The following IFNAR1 variants were observed in gnomAD, a reference collection of about 807,000 sequenced individuals.
IFNAR1 encodes interferon alpha and beta receptor subunit 1, also known as interferon alpha/beta receptor 1.
Under a neutral mutation model 62.1 loss-of-function variants are expected in IFNAR1, and 47 were observed. The observed-to-expected ratio is 0.76, with a 90% CI of 0.60 to 0.97. The LOEUF (loss-of-function observed/expected upper bound fraction) is 0.97. Among genes scored for constraint, IFNAR1 ranks in the 50% least tolerant of loss-of-function variants. IFNAR1 has a pLI of 0.00. For missense variants in IFNAR1, 638 were observed against 654.5 expected, an observed-to-expected ratio of 0.97 and a Z score of 0.27; for synonymous variants, 219 against 226.9, an observed-to-expected ratio of 0.97 and a Z score of 0.31.
At chr21:33,339,086 A>G (rs2083271223) in intron 2 of IFNAR1, among the ~76,000 whole-genome samples, 1 of 152,138 alleles carries the variant, frequency 6.6e-6, no homozygotes, top group Non-Finnish European at 1.5e-5. Flanking sequence ...TTCTGCTGCA[A>G]TATCTTGATT....
intron 1 of IFNAR1, among the ~76,000 whole-genome samples, chr21:33,327,427 A>T (rs2123650792): frequency 6.6e-6 from 1 of 151,984 alleles, no homozygotes; most frequent in Middle Eastern, 3.4e-3. Flanking sequence ...AGATACTGTT[A>T]TGCTTAGTTA....
intron 1 of IFNAR1, among the ~76,000 whole-genome samples, chr21:33,328,828 A>T (rs970296866): frequency 6.6e-6 from 1 of 152,170 alleles, no homozygotes; most frequent in African/African-American, 2.4e-5. Flanking sequence ...AATGCATTAT[A>T]TATATATTAG....
intron 2 of IFNAR1, among the ~76,000 whole-genome samples, chr21:33,340,782 TTA>T (rs2083285346): frequency 6.6e-6 from 1 of 152,206 alleles, no homozygotes; most frequent in Non-Finnish European, 1.5e-5. Context: ...ATAACTTGGC[TTA>T]TATGCATTGA....
chr21:33,329,695 A>G (rs1032042329), intron 1 of IFNAR1, among the ~76,000 whole-genome samples: 1 of 152,228 alleles, frequency 6.6e-6, no homozygotes, highest in African/African-American at 2.4e-5. Flanking sequence ...AAAATATATA[A>G]CTTATCAAAG....
At chr21:33,353,903 G>A in intron 10 of IFNAR1, 120 bp downstream of exon 10, 1 of 650,480 alleles carries the variant, frequency 1.5e-6, no homozygotes. Context: ...ACTGATTTGG[G>A]TATCTTCTTC....
At chr21:33,341,213 A>G (rs1281410472) in intron 3 of IFNAR1, 39 bp downstream of exon 3, 1 of 1,488,556 alleles carries the variant, frequency 6.7e-7, no homozygotes. Context: ...TTCTTTAGTA[A>G]ATATTACCAG....
chr21:33,341,126 A>G lies in IFNAR1; in HGVS notation c.328A>G (p.Asn110Asp). ...ATTGCGTATAAGAGCAGAAAAAGAA[A>G]ACACTTCTTCATGGTATGAGGTTGA... ...IKLRIRAEKE[N>D]TSSWYEVDSF... The change falls in exon 3 of 11, where the codon AAC (asparagine) becomes GAC (aspartate). Residue 110 changes from asparagine (N) to aspartate (D), a missense_variant. Coordinates refer to ENST00000270139, the MANE Select transcript of IFNAR1 (RefSeq NM_000629.3). 1 of 1,613,554 alleles carries G rather than the reference A, an allele frequency of 6.2e-7. No homozygotes were observed. The highest frequency in any genetic ancestry group is 8.5e-7 in the Non-Finnish European group (1 of 1,179,700).
At chr21:33,354,941 G>T (rs1172887520) in intron 10 of IFNAR1, among the ~76,000 whole-genome samples, 1 of 151,684 alleles carries the variant, frequency 6.6e-6, no homozygotes. Context: ...TTTCTCAATT[G>T]TGCTTCTTCT....
At chr21:33,343,451 C>T (rs762664938) in intron 4 of IFNAR1, 29 bp downstream of exon 4, 59 of 1,591,584 alleles carry the variant, frequency 3.7e-5, no homozygotes, top group Admixed American at 3.4e-5. Context: ...TCTGTTTAAT[C>T]GATGTGAGAG....
Position 33,355,466 on chromosome 21 carries a change from A to G in IFNAR1, c.1591A>G (p.Thr531Ala), listed in dbSNP as rs775727910. The G allele has an allele frequency of 6.2e-7, 1 of 1,608,984 alleles. No homozygotes were observed. The highest frequency in any genetic ancestry group is 1.1e-5 in the South Asian group (1 of 89,842). Residue 531 changes from threonine (T) to alanine (A), a missense_variant, in exon 11 of 11, where the codon ACT becomes GCT. Transcript: ENST00000270139. The part of the protein sequence containing the change: ...DEDHKKYSSQ[T>A]SQDSGNYSNE... The stretch of plus-strand genomic sequence containing the variant: ...AGATCATAAAAAATACAGTTCCCAA[A>G]CTAGCCAAGATTCAGGAAATTATTC...
In IFNAR1 at chr21:33,358,393, A is replaced by C. The variant is rs2083469312; in HGVS notation, c.*2844A>C. ...TAGCATATTGATAGTTCTTAGAGAG[A>C]CCAGATATAATCTAAGAATTTATAT... On this transcript the variant is annotated 3_prime_UTR_variant, in exon 11 of 11. Transcript: ENST00000270139. 6.7e-6 allele frequency: 1 copy of C among 150,048 alleles called. No individual in the cohort carries two copies. The highest frequency in any genetic ancestry group is 2.1e-4 in the South Asian group (1 of 4,696). 9.3% of individuals were successfully genotyped at this position (150,048 alleles called of 1,614,324 possible).
Position 33,357,888 on chromosome 21 carries a change from G to A in IFNAR1, c.*2339G>A, listed in dbSNP as rs1026563394. The A allele has an allele frequency of 6.6e-6, 1 of 152,204 alleles. No individual in the cohort carries two copies. Among genetic ancestry groups the A allele is most frequent in the Non-Finnish European group, 1.5e-5 (1 of 68,120 alleles). The allele number at this position is 152,204 out of a possible 1,614,324, so 9.4% of individuals were successfully genotyped here. ...GTTTGCGTCTTTGAAGAGGCGATGG[G>A]AGCATATCATGACTGCCTGCCACCA... On this transcript the variant is annotated 3_prime_UTR_variant, in exon 11 of 11. Coordinates refer to ENST00000270139, the MANE Select transcript of IFNAR1 (RefSeq NM_000629.3).
intron 1 of IFNAR1, among the ~76,000 whole-genome samples, chr21:33,328,870 G>A (rs939016174): frequency 2.0e-4 from 31 of 151,562 alleles, no homozygotes; most frequent in African/African-American, 7.0e-4. Context: ...TTACATGTGG[G>A]GTAATTAATT....
In IFNAR1 at chr21:33,335,648, G is replaced by T; in HGVS notation, c.200+1G>T. On this transcript the variant is annotated splice_donor_variant, in intron 2 of 10. Coordinates refer to ENST00000270139, the MANE Select transcript of IFNAR1 (RefSeq NM_000629.3). LOFTEE classifies it high-confidence loss of function. Reference sequence around the variant, plus strand: ...TGACTTTTTCATTCGATTATCAAAAGTATGTGACTCTACTTACTGATTTGT... The same window carrying T: ...TGACTTTTTCATTCGATTATCAAAATTATGTGACTCTACTTACTGATTTGT... The T allele has an allele frequency of 6.5e-7, 1 of 1,548,742 alleles. No homozygotes were observed.
rs778751903 is a variant in IFNAR1 at position 33,349,567 on chromosome 21, T to G, written c.1143+24T>G. On this transcript the variant is annotated intron_variant, in intron 8 of 10. Coordinates refer to ENST00000270139, the MANE Select transcript of IFNAR1 (RefSeq NM_000629.3). ...AGGTAAAAAGACTGTATAGTATAAT[T>G]TTGTAACTTAGAGTTATAATTATGA... 4.0e-6 allele frequency: 6 copies of G among 1,489,786 alleles called. No homozygotes were observed. In the Admixed American group the frequency reaches 1.3e-4, roughly 31 times the overall value. The allele number at this position is 1,489,786 out of a possible 1,614,324, so 92.3% of individuals were successfully genotyped here.
intron 3 of IFNAR1, among the ~76,000 whole-genome samples, chr21:33,341,445 A>T (rs1012334): frequency 0.56 from 84,566 of 152,034 alleles, 25,006 homozygotes; most frequent in African/African-American, 0.78. Flanking sequence ...TTGCCTTTTT[A>T]ATTTTTGTTC....
intron 1 of IFNAR1, among the ~76,000 whole-genome samples, chr21:33,325,959 T>A (rs1451164718): frequency 6.6e-6 from 1 of 152,200 alleles, no homozygotes; most frequent in Admixed American, 6.5e-5. Flanking sequence ...GAATGCCATT[T>A]GTTGAGAGGA....
intron 1 of IFNAR1, among the ~76,000 whole-genome samples, chr21:33,333,672 G>A (rs2083204296): frequency 7.2e-6 from 1 of 139,024 alleles, no homozygotes; most frequent in South Asian, 2.3e-4. Flanking sequence ...TGCCCAGGCT[G>A]GAGTGCAGTG....
At chr21:33,335,142 A>G (rs543221107) in intron 1 of IFNAR1, 385 of 642,016 alleles carry the variant, frequency 6.0e-4, no homozygotes, top group Non-Finnish European at 9.7e-4. Context: ...AAGCATCTCT[A>G]TCTATCTATG....
Sources: allele counts gnomAD v4.1 joint callset (sites outside exome capture counted in the v4.1 genomes callset), GRCh38; gene constraint gnomAD v4.1.1; transcripts MANE v1.5; gene names NCBI Gene and HGNC (gene_info 2026-07-23, HGNC 2026-07-21).